The following TLE4 variants were observed in gnomAD, a reference collection of about 807,000 sequenced individuals.
TLE4 encodes transducin-like enhancer protein 4.
Under a neutral mutation model 92.8 loss-of-function variants are expected in TLE4, and 8 were observed. The ratio of observed to expected loss-of-function variants is 0.09; its 90% CI spans 0.05 to 0.16. The LOEUF is 0.16. Ranked by LOEUF, TLE4 falls within the 10% of genes least tolerant of loss-of-function variation. The pLI is 1.00. For synonymous variants in TLE4, 371 were observed against 374.1 expected (o/e 0.99, Z 0.10); for missense variants, 675 against 997.6 (o/e 0.68, Z 4.36).
chr9:79,624,715 A>G (rs937424815), intron 5 of TLE4, among the ~76,000 whole-genome samples: 1 of 152,246 alleles, frequency 6.6e-6, no homozygotes, highest in Non-Finnish European at 1.5e-5. Flanking sequence ...TGCCTAAGGC[A>G]TCTTTGCCCA....
chr9:79,661,462 A>T (rs2060523424), intron 8 of TLE4, among the ~76,000 whole-genome samples: 1 of 152,210 alleles, frequency 6.6e-6, no homozygotes, highest in Admixed American at 6.5e-5. Context: ...TTTTGGACTT[A>T]GAGAGTCATA....
chr9:79,725,192 C>A lies in TLE4; in HGVS notation c.*48C>A. The A allele has an allele frequency of 7.2e-7, 1 of 1,391,368 alleles. No individual in the cohort carries two copies. The highest frequency in any genetic ancestry group is 1.0e-6 in the Non-Finnish European group (1 of 981,674). 86.2% of individuals were successfully genotyped at this position (1,391,368 alleles called of 1,614,324 possible). A position where few individuals can be genotyped will look rare whatever the true frequency, so the allele number is the denominator to read the frequency against. ...GACTTCTCCTCCTGGTAGCACTTTGCTCTGTCATCCTTTTTGTTCACCCCC... is the reference window on the plus strand; with the variant it reads ...GACTTCTCCTCCTGGTAGCACTTTGATCTGTCATCCTTTTTGTTCACCCCC... On this transcript the variant is annotated 3_prime_UTR_variant, in exon 20 of 20. Coordinates refer to ENST00000376552, the MANE Select transcript of TLE4 (RefSeq NM_007005.6).
intron 19 of TLE4, among the ~76,000 whole-genome samples, chr9:79,723,486 C>T (rs901549830): frequency 2.6e-5 from 4 of 152,008 alleles, no homozygotes; most frequent in African/African-American, 9.7e-5. Flanking sequence ...CTTTTATTTT[C>T]CCTATTGACT....
chr9:79,680,641 T>C (rs961610225), intron 8 of TLE4, among the ~76,000 whole-genome samples: 11 of 152,350 alleles, frequency 7.2e-5, no homozygotes, highest in African/African-American at 2.2e-4. Context: ...CTGATTGCCA[T>C]GGCCAGAACT....
chr9:79,681,531 ATGTTACTGGG>A (rs1463500610), intron 8 of TLE4, among the ~76,000 whole-genome samples: 1 of 152,112 alleles, frequency 6.6e-6, no homozygotes, highest in Non-Finnish European at 1.5e-5. Flanking sequence ...TCTAGCTTTC[ATGTTACTGGG>A]TGTTAGGACA....
At chr9:79,669,670 T>C in intron 8 of TLE4, among the ~76,000 whole-genome samples, 1 of 152,184 alleles carries the variant, frequency 6.6e-6, no homozygotes, top group East Asian at 1.9e-4. Flanking sequence ...TGGATTCCCC[T>C]CTGCTACTGG....
intron 8 of TLE4, among the ~76,000 whole-genome samples, chr9:79,673,518 T>C (rs2062754611): frequency 2.0e-5 from 3 of 152,210 alleles, no homozygotes; most frequent in Admixed American, 6.5e-5. Context: ...TTTGGAACTA[T>C]ATGATTTTAA....
At chr9:79,682,938 C>T (rs1329428233) in intron 8 of TLE4, among the ~76,000 whole-genome samples, 1 of 152,242 alleles carries the variant, frequency 6.6e-6, no homozygotes, top group African/African-American at 2.4e-5. Context: ...CATTCTCCTG[C>T]TCTTACATAG....
chr9:79,683,355 A>T (rs1459446985), intron 8 of TLE4, among the ~76,000 whole-genome samples: 1 of 152,220 alleles, frequency 6.6e-6, no homozygotes, highest in East Asian at 1.9e-4. Context: ...AAATGTACAC[A>T]GGAAGAAACT....
At chr9:79,593,793 G>A (rs1172473769) in intron 4 of TLE4, among the ~76,000 whole-genome samples, 3 of 152,070 alleles carry the variant, frequency 2.0e-5, no homozygotes. Context: ...TTCAAAGGGT[G>A]ATACATAAAA....
rs1215967159 is a variant in TLE4, at chr9:79,725,213, C to T, written c.*69C>T. 1.8e-6 allele frequency: 2 copies of T among 1,118,334 alleles called. No individual in the cohort carries two copies. The highest frequency in any genetic ancestry group is 2.7e-6 in the Non-Finnish European group (2 of 746,768). 69.3% of individuals were successfully genotyped at this position (1,118,334 alleles called of 1,614,324 possible). On this transcript the variant is annotated 3_prime_UTR_variant, in exon 20 of 20. Transcript: ENST00000376552. ...TTTGCTCTGTCATCCTTTTTGTTCA[C>T]CCCCATCCCCGCATCTAAAACCAAG... is the stretch of plus-strand genomic sequence containing the variant.
At chr9:79,618,824 A>C (rs2050266638) in intron 5 of TLE4, among the ~76,000 whole-genome samples, 1 of 152,186 alleles carries the variant, frequency 6.6e-6, no homozygotes, top group African/African-American at 2.4e-5. Context: ...TTATTTTAAG[A>C]AAATATTGGT....
rs1041364919 is a variant in TLE4, at chr9:79,660,432, G to T, written c.609+6357G>T. On this transcript the variant is annotated intron_variant, in intron 8 of 19. Transcript: ENST00000376552. ...AGTGAGGAAATCATTTGAGGGGTTC[G>T]GTGGTAGGGTGATAAAGTATGCCTT... Among the ~76,000 whole-genome samples the T allele has an allele frequency of 3.3e-5, 5 of 152,174 alleles. 1 individual carries two copies. The highest frequency in any genetic ancestry group is 6.5e-5 in the Admixed American group (1 of 15,280).
chr9:79,614,688 G>A (rs1285669370), intron 5 of TLE4, among the ~76,000 whole-genome samples: 2 of 152,272 alleles, frequency 1.3e-5, no homozygotes, highest in Admixed American at 6.5e-5. Context: ...AATGATTTAT[G>A]CCAAGCTTGT....
At position 79,725,235 on chromosome 9, in the gene TLE4, C is replaced by A; in HGVS notation, c.*91C>A. 2.4e-6 allele frequency: 2 copies of A among 850,694 alleles called. No individual in the cohort carries two copies. Among genetic ancestry groups the A allele is most frequent in the African/African-American group, 1.7e-5 (1 of 59,104 alleles). 52.7% of individuals were successfully genotyped at this position (850,694 alleles called of 1,614,324 possible). A position where few individuals can be genotyped will look rare whatever the true frequency, so the allele number is the denominator to read the frequency against. ...TCACCCCCATCCCCGCATCTAAAAC[C>A]AAGGATTTCAGATACTCATTGCAGT... is the stretch of plus-strand genomic sequence containing the variant. On this transcript the variant is annotated 3_prime_UTR_variant, in exon 20 of 20. Transcript: ENST00000376552.
chr9:79,715,180 G>C (rs12345782), intron 14 of TLE4, among the ~76,000 whole-genome samples: 2 of 152,186 alleles, frequency 1.3e-5, no homozygotes, highest in African/African-American at 4.8e-5. Context: ...TTAACTATTT[G>C]AAATCTCAGT....
At chr9:79,691,729 G>T (rs1437046968) in intron 8 of TLE4, among the ~76,000 whole-genome samples, 1 of 152,138 alleles carries the variant, frequency 6.6e-6, no homozygotes, top group Admixed American at 6.5e-5. Flanking sequence ...AGGAGGTTTG[G>T]CTCCAGCTTT....
intron 8 of TLE4, among the ~76,000 whole-genome samples, chr9:79,664,431 CCG>C: frequency 6.6e-6 from 1 of 152,186 alleles, no homozygotes; most frequent in Non-Finnish European, 1.5e-5. Flanking sequence ...GGCCCAGCCC[CCG>C]CCTCAGGGAT....
At chr9:79,722,413 A>T (rs1205546633) in intron 17 of TLE4, 38 bp from the exon 18 acceptor site, 4 of 1,610,786 alleles carry the variant, frequency 2.5e-6, no homozygotes, top group East Asian at 4.5e-5. Context: ...AAGCGTGTCC[A>T]CTGTGGCCAC....
Sources: gnomAD v4.1 joint callset for allele counts (sites outside exome capture counted in the v4.1 genomes callset) on GRCh38, gnomAD v4.1.1 for gene constraint, MANE v1.5 for transcripts, NCBI Gene and HGNC (gene_info 2026-07-23, HGNC 2026-07-21) for gene names.